SGMS1: variants seen among roughly 807,000 people sequenced by gnomAD.
SGMS1 encodes phosphatidylcholine:ceramide cholinephosphotransferase 1.
Under a neutral mutation model 46.2 loss-of-function variants are expected in SGMS1, and 13 were observed. The observed-to-expected ratio is 0.28, with a 90% CI of 0.18 to 0.45. The LOEUF (loss-of-function observed/expected upper bound fraction) is 0.45, where lower values mean the gene tolerates loss of function less well. Ranked by LOEUF, SGMS1 falls within the 20% of genes least tolerant of loss-of-function variation. The pLI, the probability that SGMS1 is intolerant of heterozygous loss-of-function variation, is 1.00. For synonymous variants in SGMS1, 203 were observed against 187.8 expected (o/e 1.08, Z -0.66); for missense variants, 324 against 519.9 (o/e 0.62, Z 3.66).
At chr10:50,353,212 C>T (rs1457745283) in intron 6 of SGMS1, among the ~76,000 whole-genome samples, 1 of 152,282 alleles carries the variant, frequency 6.6e-6, no homozygotes, top group Non-Finnish European at 1.5e-5. Flanking sequence ...AAACCGAATC[C>T]AGCAGCACAT....
intron 9 of SGMS1, among the ~76,000 whole-genome samples, chr10:50,308,464 C>T (rs527668289): frequency 3.9e-5 from 6 of 152,184 alleles, no homozygotes; most frequent in African/African-American, 1.4e-4. Flanking sequence ...TAAAAACTGT[C>T]CATTGACATT....
chr10:50,580,026 G>A (rs1054646851), intron 2 of SGMS1, among the ~76,000 whole-genome samples: 1 of 152,128 alleles, frequency 6.6e-6, no homozygotes, highest in Admixed American at 6.5e-5. Flanking sequence ...TAAAGTAGTG[G>A]TAAGTGCATA....
chr10:50,607,936 G>A (rs1039262875), intron 1 of SGMS1, among the ~76,000 whole-genome samples: 1 of 152,088 alleles, frequency 6.6e-6, no homozygotes, highest in Non-Finnish European at 1.5e-5. Context: ...ATAAGTAAAG[G>A]CCTTGCTCCT....
chr10:50,353,148 T>G (rs1481565089), intron 6 of SGMS1, among the ~76,000 whole-genome samples: 2 of 152,242 alleles, frequency 1.3e-5, no homozygotes, highest in Non-Finnish European at 2.9e-5. Flanking sequence ...AAGAGAATTT[T>G]AGACCAATGT....
At chr10:50,348,290 A>G (rs1479616878) in intron 6 of SGMS1, among the ~76,000 whole-genome samples, 1 of 152,182 alleles carries the variant, frequency 6.6e-6, no homozygotes, top group Non-Finnish European at 1.5e-5. Context: ...CCTATTCAAC[A>G]TAGTATTGGA....
intron 3 of SGMS1, among the ~76,000 whole-genome samples, chr10:50,490,417 TCATCAGAG>T (rs1837557706): frequency 6.6e-6 from 1 of 152,162 alleles, no homozygotes; most frequent in Non-Finnish European, 1.5e-5. Flanking sequence ...GACGGCCCAG[TCATCAGAG>T]TCCCTACTGG....
At chr10:50,313,998 A>T (rs944410599) in intron 8 of SGMS1, among the ~76,000 whole-genome samples, 5 of 152,036 alleles carry the variant, frequency 3.3e-5, no homozygotes, top group African/African-American at 9.7e-5. Flanking sequence ...AATTATGTTT[A>T]AAAAAAGCAA....
intron 2 of SGMS1, among the ~76,000 whole-genome samples, chr10:50,562,580 G>C (rs1838250322): frequency 6.6e-6 from 1 of 152,182 alleles, no homozygotes; most frequent in African/African-American, 2.4e-5. Flanking sequence ...GTCTCGCTCT[G>C]TCGCCCAGGC....
intron 7 of SGMS1, among the ~76,000 whole-genome samples, chr10:50,337,234 C>T (rs186248730): frequency 2.0e-5 from 3 of 152,198 alleles, no homozygotes; most frequent in African/African-American, 4.8e-5. Context: ...GAATATAACC[C>T]CCATTCAACT....
At chr10:50,487,205 C>A (rs1401658665) in intron 3 of SGMS1, among the ~76,000 whole-genome samples, 1 of 152,130 alleles carries the variant, frequency 6.6e-6, no homozygotes, top group East Asian at 1.9e-4. Context: ...GAGCTGGAAG[C>A]CATTATCCTC....
At chr10:50,546,063 T>A (rs1178552485) in intron 2 of SGMS1, among the ~76,000 whole-genome samples, 1 of 152,132 alleles carries the variant, frequency 6.6e-6, no homozygotes, top group Non-Finnish European at 1.5e-5. Context: ...ACTTCTAAAT[T>A]CCTCAGATAA....
intron 3 of SGMS1, among the ~76,000 whole-genome samples, chr10:50,479,629 A>C (rs1430057999): frequency 6.6e-6 from 1 of 152,180 alleles, no homozygotes; most frequent in Admixed American, 6.5e-5. Context: ...ACAAATATTT[A>C]GAAAATAAAG....
upstream of SGMS1, chr10:50,625,068 C>T (rs1482477205): frequency 4.0e-6 from 4 of 993,890 alleles, no homozygotes; most frequent in Admixed American, 6.1e-5. Flanking sequence ...GGCCACCGCT[C>T]GGCACCTGCC....
intron 5 of SGMS1, among the ~76,000 whole-genome samples, chr10:50,450,770 C>T (rs1470986772): frequency 6.6e-6 from 1 of 151,978 alleles, no homozygotes; most frequent in Admixed American, 6.6e-5. Context: ...AAGCTTTCTT[C>T]ATTTTAATAA....
chr10:50,349,182 C>T (rs1344340303), intron 6 of SGMS1, among the ~76,000 whole-genome samples: 1 of 152,286 alleles, frequency 6.6e-6, no homozygotes, highest in Middle Eastern at 3.4e-3. Context: ...CAAAATTATT[C>T]CTTCCTTAAA....
intron 3 of SGMS1, among the ~76,000 whole-genome samples, chr10:50,495,099 G>A (rs1300206248): frequency 7.5e-6 from 1 of 133,156 alleles, no homozygotes; most frequent in Non-Finnish European, 1.6e-5. Context: ...TTAGCCGGAC[G>A]TGCTTGCAGG....
intron 6 of SGMS1, among the ~76,000 whole-genome samples, chr10:50,407,676 T>C (rs1293835598): frequency 1.3e-5 from 2 of 151,848 alleles, no homozygotes; most frequent in Non-Finnish European, 2.9e-5. Context: ...GACTAACCAG[T>C]TACAATAGAA....
chr10:50,558,780 A>G (rs1424476682), intron 2 of SGMS1, among the ~76,000 whole-genome samples: 3 of 152,184 alleles, frequency 2.0e-5, no homozygotes, highest in Admixed American at 2.0e-4. Flanking sequence ...CCTAATGAAC[A>G]GTAAATATAT....
At chr10:50,366,862 G>A (rs1848355319) in intron 6 of SGMS1, among the ~76,000 whole-genome samples, 1 of 151,974 alleles carries the variant, frequency 6.6e-6, no homozygotes, top group African/African-American at 2.4e-5. Flanking sequence ...GTGATGGGTT[G>A]ATGGGTGCAG....
Sources: gnomAD v4.1 joint callset for allele counts (sites outside exome capture counted in the v4.1 genomes callset) on GRCh38, gnomAD v4.1.1 for gene constraint, MANE v1.5 for transcripts, NCBI Gene and HGNC (gene_info 2026-07-23, HGNC 2026-07-21) for gene names.